The following SEMA6D variants were observed in gnomAD, a reference collection of about 807,000 sequenced individuals.
SEMA6D encodes semaphorin 6D.
SEMA6D carries 35 observed loss-of-function variants against 106.6 expected under a neutral mutation model. The ratio of observed to expected loss-of-function variants is 0.33; its 90% CI spans 0.25 to 0.44. The LOEUF is 0.44. Ranked by LOEUF, SEMA6D falls within the 20% of genes least tolerant of loss-of-function variation. The pLI, the probability that SEMA6D is intolerant of heterozygous loss-of-function variation, is 1.00. For missense variants in SEMA6D, 1,185 were observed against 1,345.9 expected (o/e 0.88, Z 1.87); for synonymous variants, 499 against 487.7 (o/e 1.02, Z -0.31).
At chr15:47,534,259 C>T (rs1262017058) in intron 3 of SEMA6D, among the ~76,000 whole-genome samples, 3 of 152,074 alleles carry the variant, frequency 2.0e-5, no homozygotes, top group Non-Finnish European at 4.4e-5. Flanking sequence ...GGCTCGATCT[C>T]GGCTCACTGC....
At chr15:47,494,126 T>C (rs755024030) in intron 3 of SEMA6D, among the ~76,000 whole-genome samples, 1 of 152,144 alleles carries the variant, frequency 6.6e-6, no homozygotes, top group Non-Finnish European at 1.5e-5. Context: ...CACGCCTGTC[T>C]ACAGTCAACA....
chr15:47,454,719 TC>T (rs2042296696), intron 2 of SEMA6D, among the ~76,000 whole-genome samples: 1 of 151,946 alleles, frequency 6.6e-6, no homozygotes, highest in Non-Finnish European at 1.5e-5. Context: ...TGCCAACTTT[TC>T]ACGTACATTT....
At chr15:47,195,960 C>T (rs1894315822) in intron 1 of SEMA6D, among the ~76,000 whole-genome samples, 1 of 151,944 alleles carries the variant, frequency 6.6e-6, no homozygotes, top group Non-Finnish European at 1.5e-5. Flanking sequence ...GGCCACCTGC[C>T]TTCACCCACC....
intron 1 of SEMA6D, among the ~76,000 whole-genome samples, chr15:47,249,852 CAG>C (rs890739776): frequency 1.3e-5 from 2 of 152,184 alleles, no homozygotes; most frequent in African/African-American, 4.8e-5. Context: ...GGAGTAAAAA[CAG>C]AGACCACTTC....
intron 1 of SEMA6D, chr15:47,339,168 A>G (rs970121203): frequency 1.3e-5 from 2 of 151,950 alleles, no homozygotes; most frequent in African/African-American, 4.8e-5. Flanking sequence ...CTTCCCCCAT[A>G]CCTCACCCTA....
intron 3 of SEMA6D, among the ~76,000 whole-genome samples, chr15:47,496,026 C>G (rs1378713636): frequency 1.3e-5 from 2 of 152,048 alleles, no homozygotes; most frequent in Non-Finnish European, 2.9e-5. Context: ...CTAAGGGAGA[C>G]AGAAACAATA....
At chr15:47,362,139 A>AGTTGGGG (rs1460489392) in intron 1 of SEMA6D, among the ~76,000 whole-genome samples, 6 of 152,120 alleles carry the variant, frequency 3.9e-5, no homozygotes, top group African/African-American at 1.4e-4. Flanking sequence ...CTCTCATAGA[A>AGTTGGGG]GTTGGGGGTT....
chr15:47,520,685 G>A (rs2044545028), intron 3 of SEMA6D, among the ~76,000 whole-genome samples: 1 of 152,190 alleles, frequency 6.6e-6, no homozygotes, highest in South Asian at 2.1e-4. Context: ...AAATGTCAGA[G>A]CCATGAGCGA....
chr15:47,726,112 C>T (rs2079735047), intron 1 of SEMA6D, among the ~76,000 whole-genome samples: 1 of 152,238 alleles, frequency 6.6e-6, no homozygotes, highest in African/African-American at 2.4e-5. Flanking sequence ...GGCAAGCTGC[C>T]TCCCCCTGCG....
At chr15:47,729,769 A>G (rs2146626175) in intron 1 of SEMA6D, among the ~76,000 whole-genome samples, 1 of 152,342 alleles carries the variant, frequency 6.6e-6, no homozygotes, top group East Asian at 1.9e-4. Flanking sequence ...TCTCTTCACT[A>G]CACACTTAGC....
At chr15:47,423,350 A>G (rs1399312781) in intron 2 of SEMA6D, among the ~76,000 whole-genome samples, 1 of 152,102 alleles carries the variant, frequency 6.6e-6, no homozygotes, top group Non-Finnish European at 1.5e-5. Context: ...ATCAGCCCCT[A>G]TCAGGCATTC....
At chr15:47,765,138 C>A in intron 13 of SEMA6D, 82 bp downstream of exon 13, 1 of 1,539,406 alleles carries the variant, frequency 6.5e-7, no homozygotes, top group East Asian at 2.3e-5. Context: ...TCCTTTTGGT[C>A]CTCTAAATTA....
intron 3 of SEMA6D, among the ~76,000 whole-genome samples, chr15:47,484,281 C>G (rs2043232726): frequency 6.6e-6 from 1 of 152,118 alleles, no homozygotes; most frequent in African/African-American, 2.4e-5. Context: ...TCGTGCAGTA[C>G]TTTGACATTA....
At chr15:47,629,105 T>C (rs982366814) in intron 4 of SEMA6D, among the ~76,000 whole-genome samples, 1 of 152,050 alleles carries the variant, frequency 6.6e-6, no homozygotes, top group Admixed American at 6.6e-5. Flanking sequence ...CTGTCCCTCC[T>C]CTAATACCAC....
chr15:47,730,348 G>A (rs1274528447), intron 1 of SEMA6D: 2 of 1,455,484 alleles, frequency 1.4e-6, no homozygotes, highest in African/African-American at 2.8e-5. Context: ...CAGTGGTGCA[G>A]GTCTTCCTGT....
At chr15:47,265,064 G>T (rs2034255745) in intron 1 of SEMA6D, among the ~76,000 whole-genome samples, 1 of 151,980 alleles carries the variant, frequency 6.6e-6, no homozygotes, top group South Asian at 2.1e-4. Flanking sequence ...ATACTGGTCT[G>T]TAGTTTCCTT....
intron 2 of SEMA6D, among the ~76,000 whole-genome samples, chr15:47,439,887 T>A (rs952979686): frequency 2.0e-5 from 3 of 152,096 alleles, no homozygotes; most frequent in African/African-American, 7.2e-5. Flanking sequence ...CATGGTAGTT[T>A]CATTTGAAAA....
chr15:47,476,425 T>G (rs1567107423), intron 3 of SEMA6D, among the ~76,000 whole-genome samples: 1 of 152,170 alleles, frequency 6.6e-6, no homozygotes, highest in Non-Finnish European at 1.5e-5. Flanking sequence ...AAATTTCATA[T>G]ATGTTATCTC....
At chr15:47,473,334 C>G (rs890106738) in intron 3 of SEMA6D, among the ~76,000 whole-genome samples, 4 of 152,122 alleles carry the variant, frequency 2.6e-5, no homozygotes, top group African/African-American at 9.7e-5. Flanking sequence ...CTTGATAATA[C>G]CAGGCCAAAT....
Sources: gnomAD v4.1 joint callset for allele counts (sites outside exome capture counted in the v4.1 genomes callset) on GRCh38, gnomAD v4.1.1 for gene constraint, MANE v1.5 for transcripts, NCBI Gene and HGNC (gene_info 2026-07-23, HGNC 2026-07-21) for gene names.